MPP7: variants seen among roughly 807,000 people sequenced by gnomAD.
MPP7 encodes MAGUK p55 subfamily member 7.
MPP7 carries 60 observed loss-of-function variants against 76.5 expected under a neutral mutation model. The ratio of observed to expected loss-of-function variants is 0.78; its 90% CI spans 0.64 to 0.97. MPP7 has a LOEUF of 0.97. Among genes scored for constraint, MPP7 ranks in the 50% least tolerant of loss-of-function variants. The pLI, the probability that MPP7 is intolerant of heterozygous loss-of-function variation, is 0.00. For missense variants in MPP7, 641 were observed against 694.0 expected (o/e 0.92, Z 0.86); for synonymous variants, 237 against 244.5 (o/e 0.97, Z 0.29).
intron 12 of MPP7, among the ~76,000 whole-genome samples, chr10:28,080,608 C>T (rs1449702159): frequency 6.6e-6 from 1 of 152,158 alleles, no homozygotes; most frequent in Non-Finnish European, 1.5e-5. Context: ...TTTGTGTGCT[C>T]AGAACAGTGC....
intron 12 of MPP7, among the ~76,000 whole-genome samples, chr10:28,072,053 C>T (rs764553053): frequency 1.3e-5 from 2 of 152,136 alleles, no homozygotes; most frequent in Non-Finnish European, 2.9e-5. Flanking sequence ...GTAGGTAGAT[C>T]ACTTGAGGTC....
intron 1 of MPP7, among the ~76,000 whole-genome samples, chr10:28,245,526 T>C (rs1453652911): frequency 6.6e-6 from 1 of 152,050 alleles, no homozygotes. Flanking sequence ...AGACCTAAGA[T>C]CACACCCAAG....
intron 2 of MPP7, among the ~76,000 whole-genome samples, chr10:28,226,987 GAT>G (rs1407138923): frequency 3.3e-5 from 5 of 152,198 alleles, no homozygotes; most frequent in Admixed American, 2.6e-4. Flanking sequence ...GGAAGCTACT[GAT>G]ATGACAAACA....
chr10:28,078,175 G>A (rs144924310), intron 12 of MPP7, among the ~76,000 whole-genome samples: 7 of 152,306 alleles, frequency 4.6e-5, no homozygotes, highest in South Asian at 2.1e-4. Context: ...TTGCTCTGCT[G>A]TCTGTTTATG....
chr10:28,243,992 A>T (rs1390709759), intron 1 of MPP7, among the ~76,000 whole-genome samples: 3 of 152,192 alleles, frequency 2.0e-5, no homozygotes, highest in African/African-American at 7.2e-5. Flanking sequence ...GAGGCCCAAA[A>T]ATGTTGAGAA....
At chr10:28,226,667 CTT>C (rs1564716034) in intron 2 of MPP7, among the ~76,000 whole-genome samples, 2 of 151,962 alleles carry the variant, frequency 1.3e-5, no homozygotes, top group Non-Finnish European at 2.9e-5. Context: ...AAATTTTATA[CTT>C]AAAAATGGTA....
At chr10:28,330,806 CA>C (rs1360357610) in intron 1 of MPP7, among the ~76,000 whole-genome samples, 1 of 152,084 alleles carries the variant, frequency 6.6e-6, no homozygotes, top group Non-Finnish European at 1.5e-5. Flanking sequence ...AAGTGCACAC[CA>C]CTATGCCTGG....
rs10528025 is a variant in MPP7 at position 28,095,194 on chromosome 10, CATATATATATATATATAT to C, written c.953-5371_953-5354del. Among the ~76,000 whole-genome samples the C allele has an allele frequency of 1.6e-3, 215 of 130,856 alleles. 2 individuals carry two copies. The highest frequency in any genetic ancestry group is 5.8e-3 in the African/African-American group (204 of 35,376). The allele number at this position is 130,856 out of a possible 152,430, so 85.8% of individuals were successfully genotyped here. On this transcript the variant is annotated intron_variant, in intron 11 of 16. Coordinates refer to ENST00000683449, the MANE Select transcript of MPP7 (RefSeq NM_001318170.2). ...TATCTGATATACATACACACATATG[CATATATATATATATATAT>C]ATATATATATACAGAAACATATATA... is the stretch of plus-strand genomic sequence containing the variant.
intron 11 of MPP7, among the ~76,000 whole-genome samples, chr10:28,090,362 TATA>T (rs1313479214): frequency 3.9e-5 from 6 of 152,208 alleles, no homozygotes; most frequent in Non-Finnish European, 8.8e-5. Context: ...TTTATGTAGT[TATA>T]ATAATGTAAA....
rs73606072 is a variant in MPP7, at chr10:28,125,515, A to G, written c.448-424T>C. 8.3e-3 allele frequency among the ~76,000 whole-genome samples: 1,262 copies of G among 152,298 alleles called. 18 individuals are homozygous for G. Among genetic ancestry groups the G allele is most frequent in the African/African-American group, 0.029 (1,203 of 41,560 alleles). On this transcript the variant is annotated intron_variant, in intron 6 of 16. Coordinates refer to ENST00000683449, the MANE Select transcript of MPP7 (RefSeq NM_001318170.2). Reference sequence around the variant, plus strand: ...ATTACACTAATAGACAAAAGATTCTATATGTTAAAAAACTAAAACCCAGAT... The same window carrying G: ...ATTACACTAATAGACAAAAGATTCTGTATGTTAAAAAACTAAAACCCAGAT...
At chr10:28,250,117 ATCTATACCACCAAAT>A (rs1156723432) in intron 1 of MPP7, among the ~76,000 whole-genome samples, 2 of 151,984 alleles carry the variant, frequency 1.3e-5, no homozygotes, top group Admixed American at 6.6e-5. Context: ...AGAACCCATT[ATCTATACCACCAAAT>A]TCTAACTTTC....
rs373770240 is a variant in MPP7, at chr10:28,122,377, G to A, written c.615+1654C>T. 1.4e-3 allele frequency among the ~76,000 whole-genome samples: 216 copies of A among 152,222 alleles called. 3 individuals carry two copies. Among genetic ancestry groups the A allele is most frequent in the African/African-American group, 4.7e-3 (196 of 41,534 alleles). On this transcript the variant is annotated intron_variant, in intron 8 of 16. Transcript: ENST00000683449. ...CAACGCAACTTTCTTGGTAGTTTCC[G>A]AATATTTTTGAAAAATTTTGTTTAT...
At chr10:28,192,706 G>A (rs1366064481) in intron 3 of MPP7, among the ~76,000 whole-genome samples, 1 of 152,096 alleles carries the variant, frequency 6.6e-6, no homozygotes, top group East Asian at 1.9e-4. Flanking sequence ...TTCACAAATG[G>A]AGCCATAGAA....
intron 12 of MPP7, among the ~76,000 whole-genome samples, chr10:28,074,192 T>G (rs1852374356): frequency 6.6e-6 from 1 of 152,156 alleles, no homozygotes; most frequent in Non-Finnish European, 1.5e-5. Flanking sequence ...GCAGAAGACC[T>G]CAACTACTTC....
chr10:28,224,166 T>C (rs889614761), intron 2 of MPP7, among the ~76,000 whole-genome samples: 5 of 151,850 alleles, frequency 3.3e-5, no homozygotes, highest in East Asian at 1.9e-4. Context: ...GCCTGGGCAA[T>C]AGAGTGAAAC....
chr10:28,262,227 A>ATATATATATACATG (rs1839994400), intron 1 of MPP7, among the ~76,000 whole-genome samples: 1 of 23,192 alleles, frequency 4.3e-5, no homozygotes, highest in African/African-American at 2.0e-4. Context: ...ATATATATAC[A>ATATATATATACATG]TATATATATA....
chr10:28,080,764 T>G (rs1852723357), intron 12 of MPP7, among the ~76,000 whole-genome samples: 1 of 152,190 alleles, frequency 6.6e-6, no homozygotes, highest in South Asian at 2.1e-4. Flanking sequence ...CATTTACCTT[T>G]TACATACAAG....
At chr10:28,171,718 G>T (rs1337513155) in intron 3 of MPP7, among the ~76,000 whole-genome samples, 2 of 152,092 alleles carry the variant, frequency 1.3e-5, no homozygotes, top group African/African-American at 4.8e-5. Context: ...ACAAATCAAG[G>T]GTAACAAAAG....
rs1344911051 is a variant in MPP7 at position 28,262,275 on chromosome 10, ATAT to A, written c.-131-23543_-131-23541del. 1.3e-3 allele frequency among the ~76,000 whole-genome samples: 33 copies of A among 24,668 alleles called. 3 individuals carry two copies. The highest frequency in any genetic ancestry group is 2.6e-3 in the African/African-American group (18 of 6,988). The allele number at this position is 24,668 out of a possible 152,430, so 16.2% of individuals were successfully genotyped here. A position where few individuals can be genotyped will look rare whatever the true frequency, so the allele number is the denominator to read the frequency against. On this transcript the variant is annotated intron_variant, in intron 1 of 16. Coordinates refer to ENST00000683449, the MANE Select transcript of MPP7 (RefSeq NM_001318170.2). ...TATATATATGTATATATATATATAT[ATAT>A]TTTTTTTTTTTTCTTCACCATGTTG...
Sources: gnomAD v4.1 joint callset for allele counts (sites outside exome capture counted in the v4.1 genomes callset) on GRCh38, gnomAD v4.1.1 for gene constraint, MANE v1.5 for transcripts, NCBI Gene and HGNC (gene_info 2026-07-23, HGNC 2026-07-21) for gene names.